The following SEZ6L variants were observed in gnomAD, a reference collection of about 807,000 sequenced individuals.
The protein encoded by SEZ6L is seizure related 6 homolog like.
Under a neutral mutation model 106.2 loss-of-function variants are expected in SEZ6L, and 37 were observed. That is an observed-to-expected ratio of 0.35 (90% CI 0.27 to 0.46). SEZ6L has a LOEUF of 0.46. Among genes scored for constraint, SEZ6L ranks in the 20% least tolerant of loss-of-function variants. The probability of loss-of-function intolerance (pLI) is 1.00; values close to 1 mark genes in which losing one functional copy is unlikely to be tolerated. For synonymous variants in SEZ6L, 541 were observed against 570.4 expected, an observed-to-expected ratio of 0.95 and a Z score of 0.73; for missense variants, 1,172 against 1,332.8, an observed-to-expected ratio of 0.88 and a Z score of 1.88.
At chr22:26,315,057 G>A (rs758710777) in intron 9 of SEZ6L, among the ~76,000 whole-genome samples, 1 of 152,244 alleles carries the variant, frequency 6.6e-6, no homozygotes, top group Non-Finnish European at 1.5e-5. Flanking sequence ...CGGAGAGAGT[G>A]CTGAAACCCA....
intron 1 of SEZ6L, among the ~76,000 whole-genome samples, chr22:26,264,171 A>T (rs1184902289): frequency 1.3e-5 from 2 of 152,234 alleles, no homozygotes; most frequent in Non-Finnish European, 2.9e-5. Flanking sequence ...CAATTCTGGA[A>T]TCTTGGCAGA....
chr22:26,348,796 A>AAGGGGGGGGG (rs2083166412), intron 11 of SEZ6L, among the ~76,000 whole-genome samples: 1 of 13,640 alleles, frequency 7.3e-5, no homozygotes, highest in Non-Finnish European at 1.3e-4. Flanking sequence ...AAGGGGAGGG[A>AAGGGGGGGGG]AGGGGAGGGA....
chr22:26,372,126 A>G (rs1311507110), intron 13 of SEZ6L, among the ~76,000 whole-genome samples: 1 of 152,186 alleles, frequency 6.6e-6, no homozygotes, highest in Non-Finnish European at 1.5e-5. Context: ...AGTCCAGATC[A>G]GAGTTTCTGA....
chr22:26,269,203 T>C (rs1436217126), intron 1 of SEZ6L, among the ~76,000 whole-genome samples: 1 of 152,240 alleles, frequency 6.6e-6, no homozygotes, highest in Non-Finnish European at 1.5e-5. Context: ...TTAATAGGCT[T>C]GTGACTCACC....
At chr22:26,282,212 C>T (rs1309861422) in intron 1 of SEZ6L, among the ~76,000 whole-genome samples, 2 of 152,184 alleles carry the variant, frequency 1.3e-5, no homozygotes, top group African/African-American at 4.8e-5. Flanking sequence ...CATCTCATTC[C>T]TTTAAACCCT....
chr22:26,309,391 C>G (rs944224636), intron 6 of SEZ6L, among the ~76,000 whole-genome samples: 1 of 152,208 alleles, frequency 6.6e-6, no homozygotes, highest in East Asian at 1.9e-4. Context: ...GGTTGGGTCT[C>G]TCCTTTCACA....
chr22:26,201,382 C>CAAAAATACAA (rs746847898), intron 1 of SEZ6L, among the ~76,000 whole-genome samples: 1 of 75,318 alleles, frequency 1.3e-5, no homozygotes, highest in Non-Finnish European at 2.4e-5. Flanking sequence ...TACAAAAATA[C>CAAAAATACAA]AAAAAAAAAA....
At chr22:26,200,934 C>CCAGTCAAAACCCCAAA (rs1185307116) in intron 1 of SEZ6L, among the ~76,000 whole-genome samples, 1 of 152,104 alleles carries the variant, frequency 6.6e-6, no homozygotes, top group Non-Finnish European at 1.5e-5. Context: ...CTTACCTCCT[C>CCAGTCAAAACCCCAAA]CAGTCAAAAC....
rs561210863 is a variant in SEZ6L, at chr22:26,346,017, T to C, written c.2213-1702T>C. ...AACAGTTTATTTTTATTTATTTCTG[T>C]TCAAATTGTTTTTTTTTTCTTTTCT... On this transcript the variant is annotated intron_variant, in intron 10 of 16. Transcript: ENST00000248933. Among the ~76,000 whole-genome samples the C allele has an allele frequency of 6.1e-5, 9 of 148,502 alleles. No individual in the cohort carries two copies. The South Asian group carries it at 1.1e-3, about 19-fold the overall frequency.
chr22:26,375,492 A>G, intron 14 of SEZ6L, 83 bp from the exon 15 acceptor site: 6 of 1,102,916 alleles, frequency 5.4e-6, no homozygotes, highest in Non-Finnish European at 6.9e-6. Flanking sequence ...GCCGTCTCCA[A>G]AGGGGTGGAG....
At chr22:26,307,478 T>TAA (rs34235682) in intron 6 of SEZ6L, among the ~76,000 whole-genome samples, 12,495 of 145,360 alleles carry the variant, frequency 0.086, 603 homozygotes, top group Middle Eastern at 0.12. Flanking sequence ...TGGAAAGACT[T>TAA]AAAAAAAAAA....
chr22:26,374,470 A>C (rs771389678), intron 14 of SEZ6L, among the ~76,000 whole-genome samples: 25 of 152,022 alleles, frequency 1.6e-4, no homozygotes, highest in Admixed American at 5.2e-4. Context: ...TGAATTATAC[A>C]CTCCACTTGG....
chr22:26,374,033 T>A (rs2084133071), intron 14 of SEZ6L, among the ~76,000 whole-genome samples: 1 of 152,150 alleles, frequency 6.6e-6, no homozygotes, highest in Admixed American at 6.5e-5. Flanking sequence ...TATCCAGGAT[T>A]TTATTTCAGT....
intron 1 of SEZ6L, among the ~76,000 whole-genome samples, chr22:26,196,734 G>C (rs906675576): frequency 1.3e-5 from 2 of 152,192 alleles, no homozygotes; most frequent in Non-Finnish European, 2.9e-5. Flanking sequence ...GACTTGAGTG[G>C]ACCCTATGGG....
chr22:26,274,861 G>A (rs978303730), intron 1 of SEZ6L, among the ~76,000 whole-genome samples: 10 of 152,174 alleles, frequency 6.6e-5, no homozygotes, highest in Non-Finnish European at 5.9e-5. Context: ...TCTGGGGTTG[G>A]TCACACAGGC....
At chr22:26,342,147 A>AT (rs2145992656) in intron 10 of SEZ6L, among the ~76,000 whole-genome samples, 1 of 152,304 alleles carries the variant, frequency 6.6e-6, no homozygotes, top group East Asian at 1.9e-4. Context: ...AAGACCTAAC[A>AT]TCCTTTGACA....
chr22:26,264,406 C>G (rs2080111976), intron 1 of SEZ6L, among the ~76,000 whole-genome samples: 1 of 152,112 alleles, frequency 6.6e-6, no homozygotes, highest in South Asian at 2.1e-4. Flanking sequence ...GTTTATTATG[C>G]AAATACAAAT....
rs146425607 is a variant in SEZ6L at position 26,347,831 on chromosome 22, C to T, written c.2325C>T (p.Pro775=). Residue 775 remains proline, a synonymous_variant, in exon 11 of 17, where the codon CCC becomes CCT. Coordinates refer to ENST00000248933, the MANE Select transcript of SEZ6L (RefSeq NM_021115.5). ...CCAGAATCACCTACCAGTGTGACCC[C>T]GGCTATGACATCGTGGGGAGTGACA... ...RGARITYQCD[P]GYDIVGSDTL... 70 of 1,605,744 alleles carry T rather than the reference C, an allele frequency of 4.4e-5. 2 individuals are homozygous for T. The East Asian group carries it at 1.3e-3, about 30-fold the overall frequency.
chr22:26,210,296 C>T (rs1053958630), intron 1 of SEZ6L, among the ~76,000 whole-genome samples: 1 of 152,218 alleles, frequency 6.6e-6, no homozygotes, highest in Non-Finnish European at 1.5e-5. Context: ...TTTCGGTGAA[C>T]TAATCAAAAG....
Sources: gnomAD v4.1 joint callset for allele counts (sites outside exome capture counted in the v4.1 genomes callset) on GRCh38, gnomAD v4.1.1 for gene constraint, MANE v1.5 for transcripts, NCBI Gene and HGNC (gene_info 2026-07-23, HGNC 2026-07-21) for gene names.